The following TRERF1 variants were observed in gnomAD, a reference collection of about 807,000 sequenced individuals.
The protein encoded by TRERF1 is transcriptional regulating factor 1, also known as transcriptional-regulating factor 1.
A neutral mutation model predicts 122.9 loss-of-function variants in TRERF1; 27 were observed. That is an observed-to-expected ratio of 0.22 (90% CI 0.16 to 0.30). TRERF1 has a LOEUF of 0.30. Ranked by LOEUF, TRERF1 falls within the 10% of genes least tolerant of loss-of-function variation. The pLI, the probability that TRERF1 is intolerant of heterozygous loss-of-function variation, is 1.00. For synonymous variants in TRERF1, 636 were observed against 641.7 expected, an observed-to-expected ratio of 0.99 and a Z score of 0.13; for missense variants, 1,248 against 1,560.3, an observed-to-expected ratio of 0.80 and a Z score of 3.37.
chr6:42,293,800 G>A (rs183482373), intron 4 of TRERF1, among the ~76,000 whole-genome samples: 43 of 138,560 alleles, frequency 3.1e-4, no homozygotes, highest in Admixed American at 1.1e-3. Flanking sequence ...AAGATAACCC[G>A]GACCAAACAG....
At chr6:42,327,780 C>T (rs1764542984) in intron 3 of TRERF1, among the ~76,000 whole-genome samples, 1 of 152,010 alleles carries the variant, frequency 6.6e-6, no homozygotes, top group African/African-American at 2.4e-5. Flanking sequence ...TGAGGATGCA[C>T]CATTGGAGCA....
intron 2 of TRERF1, among the ~76,000 whole-genome samples, chr6:42,413,592 G>C (rs1255839837): frequency 1.3e-5 from 2 of 152,030 alleles, no homozygotes; most frequent in Non-Finnish European, 2.9e-5. Context: ...ACCATGCCCA[G>C]CTAATTTTTG....
intron 3 of TRERF1, among the ~76,000 whole-genome samples, chr6:42,357,478 G>A (rs552256863): frequency 6.6e-6 from 1 of 152,264 alleles, no homozygotes; most frequent in African/African-American, 2.4e-5. Context: ...ATAACTGTAG[G>A]TGTTAGTGTG....
rs1408617908 is a variant in TRERF1, at chr6:42,353,294, A to AG, written c.-371+9702_-371+9703insC. Among the ~76,000 whole-genome samples, 17 of 152,294 alleles carry AG rather than the reference A, an allele frequency of 1.1e-4. No homozygotes were observed. In the East Asian group the frequency reaches 3.1e-3, roughly 28 times the overall value. ...GTTTGAATAGGAAGATGGAAAAAAA[A>AG]AACAACTCAGGGCCGGGTGTGGTGG... On this transcript the variant is annotated intron_variant, in intron 3 of 17. Transcript: ENST00000372922.
chr6:42,366,150 CT>C (rs1772688061), intron 2 of TRERF1, among the ~76,000 whole-genome samples: 1 of 152,192 alleles, frequency 6.6e-6, no homozygotes, highest in Admixed American at 6.5e-5. Flanking sequence ...ACCAACCCAG[CT>C]TACCAAGCTC....
At position 42,344,292 on chromosome 6, in the gene TRERF1, C is replaced by T. The variant is rs929282072; in HGVS notation, c.-371+18705G>A. Among the ~76,000 whole-genome samples the T allele has an allele frequency of 1.6e-4, 24 of 152,260 alleles. No homozygotes were observed. The East Asian group carries it at 3.9e-3, about 24-fold the overall frequency. On this transcript the variant is annotated intron_variant, in intron 3 of 17. Transcript: ENST00000372922. ...TTCGCAGGTCAGGTGCCAGTAGTAA[C>T]GGAAAGGCAGTCATAATAACAGCTG...
At chr6:42,364,387 T>C (rs968247141) in intron 2 of TRERF1, among the ~76,000 whole-genome samples, 1 of 152,164 alleles carries the variant, frequency 6.6e-6, no homozygotes, top group African/African-American at 2.4e-5. Flanking sequence ...CCACCTGACA[T>C]TTATTATTTT....
chr6:42,255,907 G>T (rs961989161), intron 12 of TRERF1, among the ~76,000 whole-genome samples: 3 of 151,982 alleles, frequency 2.0e-5, no homozygotes, highest in African/African-American at 7.3e-5. Context: ...GAGGTGGGAG[G>T]ATCACCTGAG....
intron 17 of TRERF1, among the ~76,000 whole-genome samples, chr6:42,230,557 A>C (rs530283696): frequency 1.3e-5 from 2 of 152,296 alleles, no homozygotes; most frequent in Admixed American, 6.5e-5. Context: ...CTGCCACTCC[A>C]GGACAAATAA....
chr6:42,387,983 T>G (rs538817628), intron 2 of TRERF1, among the ~76,000 whole-genome samples: 4 of 152,048 alleles, frequency 2.6e-5, no homozygotes, highest in Non-Finnish European at 5.9e-5. Flanking sequence ...AATTTTTACA[T>G]TTTTAGTAAA....
intron 4 of TRERF1, among the ~76,000 whole-genome samples, chr6:42,274,795 T>C (rs1356578239): frequency 6.6e-6 from 1 of 152,202 alleles, no homozygotes; most frequent in Non-Finnish European, 1.5e-5. Context: ...TTACATTAAA[T>C]GTAATATTTT....
chr6:42,357,444 G>A (rs1415348832), intron 3 of TRERF1, among the ~76,000 whole-genome samples: 1 of 151,902 alleles, frequency 6.6e-6, no homozygotes, highest in African/African-American at 2.4e-5. Context: ...GTAACGCTTT[G>A]CCTAAGAATG....
intron 12 of TRERF1, among the ~76,000 whole-genome samples, chr6:42,255,436 C>A (rs1395305448): frequency 6.6e-6 from 1 of 152,230 alleles, no homozygotes; most frequent in Non-Finnish European, 1.5e-5. Context: ...ATGCCGCAGG[C>A]AGAGTTGAAC....
chr6:42,271,840 G>A (rs1304525273), intron 4 of TRERF1, among the ~76,000 whole-genome samples: 1 of 151,930 alleles, frequency 6.6e-6, no homozygotes. Flanking sequence ...AATATGGTAG[G>A]GAAACAAGTG....
At chr6:42,284,348 G>C (rs1372949079) in intron 4 of TRERF1, among the ~76,000 whole-genome samples, 1 of 151,840 alleles carries the variant, frequency 6.6e-6, no homozygotes, top group Non-Finnish European at 1.5e-5. Context: ...TCACAGGCGT[G>C]AGCCACGGCA....
rs9471830 is a variant in TRERF1, at chr6:42,284,265, G to A, written c.-258-14417C>T. On this transcript the variant is annotated intron_variant, in intron 4 of 17. Transcript: ENST00000372922. ...TTTTTTTTTGTAGAGACAGGGTGTCGCTGTTTCCCAGGCTGGTCTTGAACT... is the reference window on the plus strand; with the variant it reads ...TTTTTTTTTGTAGAGACAGGGTGTCACTGTTTCCCAGGCTGGTCTTGAACT... Among the ~76,000 whole-genome samples the A allele has an allele frequency of 2.4e-3, 339 of 143,724 alleles. 1 individual carries two copies. Among genetic ancestry groups the A allele is most frequent in the Non-Finnish European group, 3.8e-3 (250 of 66,598 alleles). 94.3% of individuals were successfully genotyped at this position (143,724 alleles called of 152,430 possible).
chr6:42,243,215 C>G (rs376782513), intron 15 of TRERF1, 33 bp downstream of exon 15: 145 of 1,586,790 alleles, frequency 9.1e-5, no homozygotes, highest in Non-Finnish European at 1.2e-4. Context: ...GGAGCTGTCC[C>G]AGCACAAGCA....
At chr6:42,340,748 G>A (rs1767126273) in intron 3 of TRERF1, among the ~76,000 whole-genome samples, 1 of 152,132 alleles carries the variant, frequency 6.6e-6, no homozygotes, top group South Asian at 2.1e-4. Flanking sequence ...CTACAGACGT[G>A]TGCCACCGCA....
At chr6:42,449,909 A>T (rs1281919601) in intron 2 of TRERF1, among the ~76,000 whole-genome samples, 1 of 152,244 alleles carries the variant, frequency 6.6e-6, no homozygotes, top group Non-Finnish European at 1.5e-5. Context: ...AGAATTGCAG[A>T]AAGCTTAACC....
Sources: allele counts gnomAD v4.1 joint callset (sites outside exome capture counted in the v4.1 genomes callset), GRCh38; gene constraint gnomAD v4.1.1; transcripts MANE v1.5; gene names NCBI Gene and HGNC (gene_info 2026-07-23, HGNC 2026-07-21).